DNAAF1: variants seen among roughly 807,000 people sequenced by gnomAD.
DNAAF1 encodes the protein dynein assembly factor 1, axonemal.
A neutral mutation model predicts 71.1 loss-of-function variants in DNAAF1; 65 were observed. That is an observed-to-expected ratio of 0.91 (90% CI 0.75 to 1.12). DNAAF1 has a LOEUF of 1.12. DNAAF1 is among the 50% of genes most tolerant of loss of function. The pLI is 0.00. For synonymous variants in DNAAF1, 414 were observed against 354.6 expected (o/e 1.17, Z -1.88); for missense variants, 1,178 against 899.8 (o/e 1.31, Z -3.96).
chr16:84,174,440 C>T (rs995033031), intron 9 of DNAAF1: 14 of 1,417,486 alleles, frequency 9.9e-6, no homozygotes, highest in African/African-American at 1.4e-5. Flanking sequence ...ACACGTCACA[C>T]CTTGCAAGTT....
intron 3 of DNAAF1, among the ~76,000 whole-genome samples, chr16:84,152,431 T>C (rs1483137049): frequency 6.6e-6 from 1 of 151,944 alleles, no homozygotes; most frequent in Non-Finnish European, 1.5e-5. Context: ...GGCAGGCAGA[T>C]CAGGAGTTTG....
At position 84,148,596 on chromosome 16, in the gene DNAAF1, C is replaced by CTCTCTTT; in HGVS notation, c.125-410_125-409insCTCTTTT. 1.1e-4 allele frequency among the ~76,000 whole-genome samples: 5 copies of CTCTCTTT among 43,562 alleles called. 1 individual carries two copies. Among genetic ancestry groups the CTCTCTTT allele is most frequent in the African/African-American group, 3.7e-4 (4 of 10,862 alleles). The allele number at this position is 43,562 out of a possible 152,430, so 28.6% of individuals were successfully genotyped here. On this transcript the variant is annotated intron_variant, in intron 1 of 11. Transcript: ENST00000378553. ...AAAGATTACTGTTCTCTCTCTCTCTCTTTTTTTTTTTTTTTTTTGGTGAGA... is the reference window on the plus strand; with the variant it reads ...AAAGATTACTGTTCTCTCTCTCTCTCTCTCTTTTTTTTTTTTTTTTTTTTTGGTGAGA...
intron 8 of DNAAF1, 121 bp from the exon 9 acceptor site, chr16:84,172,139 A>G (rs968596555): frequency 1.2e-5 from 11 of 900,666 alleles, no homozygotes; most frequent in African/African-American, 3.3e-5. Context: ...GGCCCCCCAA[A>G]GTGTTGGGAT....
Position 84,174,630 on chromosome 16 carries a change from G to A in DNAAF1, c.1645-39G>A, listed in dbSNP as rs550676070. On this transcript the variant is annotated intron_variant, in intron 9 of 11. Coordinates refer to ENST00000378553, the MANE Select transcript of DNAAF1 (RefSeq NM_178452.6). ...GCCTATCAGAACGTTGACAGTGCGT[G>A]TACCTCCCTGGTGATGTGCGGCTCA... 1.4e-5 allele frequency: 22 copies of A among 1,614,086 alleles called. No individual in the cohort carries two copies. In the South Asian group the frequency reaches 1.6e-4, roughly 12 times the overall value.
chr16:84,153,251 A>T (rs1207957112), intron 3 of DNAAF1, among the ~76,000 whole-genome samples: 5 of 152,160 alleles, frequency 3.3e-5, no homozygotes, highest in African/African-American at 1.2e-4. Flanking sequence ...GAGGGTTTGC[A>T]AGGAGGGAGA....
In DNAAF1 at chr16:84,165,928, C is replaced by CAG. The variant is rs1567555007; in HGVS notation, c.1018_1019dup (p.Ser340ArgfsTer8). On this transcript the variant is annotated frameshift_variant, in exon 7 of 12. Transcript: ENST00000378553. LOFTEE classifies it high-confidence loss of function. ...GCAGCGGGCAGAGGAGAGGAAAAGA[C>CAG]AGAGAGAGAGTCAAGAGAGAGGTAT... is the stretch of plus-strand genomic sequence containing the variant. 4 of 1,612,542 alleles carry CAG rather than the reference C, an allele frequency of 2.5e-6. No individual in the cohort carries two copies. The highest frequency in any genetic ancestry group is 3.4e-6 in the Non-Finnish European group (4 of 1,179,784).
At chr16:84,151,994 C>G (rs1385725509) in intron 3 of DNAAF1, among the ~76,000 whole-genome samples, 1 of 152,230 alleles carries the variant, frequency 6.6e-6, no homozygotes, top group African/African-American at 2.4e-5. Context: ...GCATCGCTAA[C>G]ATGAAGGCAT....
chr16:84,169,702 C>T (rs527335500), intron 7 of DNAAF1, among the ~76,000 whole-genome samples, 157 bp from the exon 8 acceptor site: 25 of 151,934 alleles, frequency 1.6e-4, no homozygotes, highest in African/African-American at 4.6e-4. Flanking sequence ...ATTACAGGCA[C>T]GAGCCACCGC....
At chr16:84,148,401 G>T (rs975811437) in intron 1 of DNAAF1, among the ~76,000 whole-genome samples, 1 of 151,808 alleles carries the variant, frequency 6.6e-6, no homozygotes, top group Non-Finnish European at 1.5e-5. Flanking sequence ...AGCCCCTATG[G>T]ATGGACATTT....
chr16:84,154,455 A>C (rs973605769), intron 3 of DNAAF1, 122 bp from the exon 4 acceptor site: 10 of 859,204 alleles, frequency 1.2e-5, no homozygotes, highest in Non-Finnish European at 1.9e-5. Context: ...TTAGGATTTC[A>C]ATGTATGAAT....
intron 7 of DNAAF1, among the ~76,000 whole-genome samples, chr16:84,168,825 C>CACACAA (rs1471274878): frequency 1.7e-5 from 2 of 114,638 alleles, no homozygotes; most frequent in African/African-American, 7.0e-5. Context: ...ACATTTGCCA[C>CACACAA]ATACACACAC....
At chr16:84,172,732 G>A (rs2088431591) in intron 9 of DNAAF1, 5 of 1,168,358 alleles carry the variant, frequency 4.3e-6, no homozygotes, top group Non-Finnish European at 5.4e-6. Context: ...CCAAATTCGT[G>A]GTGAGAGTTA....
rs777616161 is a variant in DNAAF1 at position 84,170,176 on chromosome 16, C to A, written c.1348C>A (p.Pro450Thr). 6.2e-7 allele frequency: 1 copy of A among 1,610,552 alleles called. No individual in the cohort carries two copies. Among genetic ancestry groups the A allele is most frequent in the Admixed American group, 1.7e-5 (1 of 59,498 alleles). ...GTLPAEAPPP[P>T]PPVEVKGEDG... ...CCTCCCAGCTGAGGCCCCACCACCC[C>A]CGCCACCTGTGGAGGTTAAAGGAGA... Residue 450 changes from proline (P) to threonine (T), a missense_variant, in exon 8 of 12, where the codon CCG (proline) becomes ACG (threonine). Pro to Thr is a conservative substitution (Grantham distance 38, BLOSUM62 -1). Coordinates refer to ENST00000378553, the MANE Select transcript of DNAAF1 (RefSeq NM_178452.6).
intron 5 of DNAAF1, among the ~76,000 whole-genome samples, chr16:84,156,369 G>C (rs1016637982): frequency 6.6e-6 from 1 of 152,180 alleles, no homozygotes; most frequent in Non-Finnish European, 1.5e-5. Context: ...TGTTCTGCTG[G>C]CCCTGGTATT....
At chr16:84,160,639 G>A (rs1299868391) in intron 6 of DNAAF1, among the ~76,000 whole-genome samples, 2 of 152,122 alleles carry the variant, frequency 1.3e-5, no homozygotes, top group Non-Finnish European at 2.9e-5. Context: ...ACTTTAGCCA[G>A]GTAAGAAAAC....
chr16:84,145,407 A>T lies in DNAAF1; in HGVS notation c.-34A>T, dbSNP rs772046071. On this transcript the variant is annotated 5_prime_UTR_variant, in exon 1 of 12. Coordinates refer to ENST00000378553, the MANE Select transcript of DNAAF1 (RefSeq NM_178452.6). ...GTCCGCCGCGAACCTGGGCCCCCCA[A>T]AGCTGCGGGGCGTTCGGTGTCGCCG... 3.2e-6 allele frequency: 5 copies of T among 1,570,502 alleles called. No individual in the cohort carries two copies. Among genetic ancestry groups the T allele is most frequent in the Non-Finnish European group, 4.3e-6 (5 of 1,158,050 alleles).
chr16:84,156,556 G>C (rs2087434989), intron 5 of DNAAF1, among the ~76,000 whole-genome samples: 1 of 152,154 alleles, frequency 6.6e-6, no homozygotes, highest in Admixed American at 6.5e-5. Context: ...TGTCAGCCTG[G>C]TCTAGCCATT....
intron 6 of DNAAF1, among the ~76,000 whole-genome samples, chr16:84,161,716 C>G (rs955796639): frequency 6.6e-6 from 1 of 151,616 alleles, no homozygotes; most frequent in Non-Finnish European, 1.5e-5. Flanking sequence ...TTGTTTGACA[C>G]TGGGCACTTG....
intron 6 of DNAAF1, among the ~76,000 whole-genome samples, chr16:84,162,836 A>G (rs2087779447): frequency 6.6e-6 from 1 of 151,762 alleles, no homozygotes; most frequent in African/African-American, 2.4e-5. Context: ...AAAAAAAAAG[A>G]AATACCATCC....
Sources: gnomAD v4.1 joint callset for allele counts (sites outside exome capture counted in the v4.1 genomes callset) on GRCh38, gnomAD v4.1.1 for gene constraint, MANE v1.5 for transcripts, NCBI Gene and HGNC (gene_info 2026-07-23, HGNC 2026-07-21) for gene names.